CNIH3: variants seen among roughly 807,000 people sequenced by gnomAD.
CNIH3 encodes protein cornichon homolog 3.
A neutral mutation model predicts 24.1 loss-of-function variants in CNIH3; 14 were observed. That is an observed-to-expected ratio of 0.58 (90% CI 0.38 to 0.91). CNIH3 has a LOEUF of 0.91. Ranked by LOEUF, CNIH3 falls within the 40% of genes least tolerant of loss-of-function variation. The pLI is 0.00. For missense variants in CNIH3, 178 were observed against 196.8 expected (o/e 0.90, Z 0.57); for synonymous variants, 68 against 73.8 (o/e 0.92, Z 0.40).
chr1:224,596,034 A>G (rs1448030540), intron 3 of CNIH3, among the ~76,000 whole-genome samples: 1 of 152,194 alleles, frequency 6.6e-6, no homozygotes, highest in Non-Finnish European at 1.5e-5. Context: ...AGTTACCCAG[A>G]AGGTCTAGCT....
intron 4 of CNIH3, among the ~76,000 whole-genome samples, chr1:224,578,026 G>A (rs529602004): frequency 6.6e-6 from 1 of 152,088 alleles, no homozygotes; most frequent in South Asian, 2.1e-4. Flanking sequence ...GGGAAGGGTG[G>A]GAGGGAGGCA....
chr1:224,553,150 T>C (rs1679996612), intron 3 of CNIH3, among the ~76,000 whole-genome samples: 1 of 150,036 alleles, frequency 6.7e-6, no homozygotes, highest in African/African-American at 2.4e-5. Context: ...CCTGTGATAT[T>C]ACAAGTAATA....
chr1:224,639,675 T>C (rs1195740054), intron 1 of CNIH3, among the ~76,000 whole-genome samples: 1 of 152,014 alleles, frequency 6.6e-6, no homozygotes, highest in East Asian at 1.9e-4. Flanking sequence ...AGACCTCAGA[T>C]AAGGGGGAAC....
chr1:224,688,127 G>A (rs577550778), intron 3 of CNIH3, among the ~76,000 whole-genome samples: 1 of 152,324 alleles, frequency 6.6e-6, no homozygotes, highest in South Asian at 2.1e-4. Flanking sequence ...AAGGAGATGG[G>A]CTATAGGGCA....
At chr1:224,463,596 G>A (rs1360072046) in intron 1 of CNIH3, among the ~76,000 whole-genome samples, 3 of 151,164 alleles carry the variant, frequency 2.0e-5, no homozygotes, top group East Asian at 2.0e-4. Context: ...TAATAGAAAC[G>A]AGGTTTCTCC....
intron 1 of CNIH3, among the ~76,000 whole-genome samples, chr1:224,618,802 T>C (rs565569144): frequency 6.6e-6 from 1 of 152,222 alleles, no homozygotes; most frequent in African/African-American, 2.4e-5. Flanking sequence ...TTAGAAGTAA[T>C]GGGATTTTAA....
upstream of CNIH3, among the ~76,000 whole-genome samples, chr1:224,511,944 G>A (rs1678168035): frequency 6.6e-6 from 1 of 152,182 alleles, no homozygotes; most frequent in Non-Finnish European, 1.5e-5. Context: ...GGGAGGCTGA[G>A]GCGGGTGGAT....
intron 1 of CNIH3, among the ~76,000 whole-genome samples, chr1:224,642,580 G>T (rs1684413175): frequency 1.3e-5 from 2 of 152,146 alleles, no homozygotes. Flanking sequence ...GGCACAGGGA[G>T]TAAATGGCTG....
chr1:224,584,463 C>T (rs1432004248), intron 5 of CNIH3, among the ~76,000 whole-genome samples: 1 of 152,192 alleles, frequency 6.6e-6, no homozygotes, highest in Non-Finnish European at 1.5e-5. Context: ...AGTTCTATCA[C>T]AAACCCTTTA....
chr1:224,614,238 T>A (rs1022809943), upstream of CNIH3, among the ~76,000 whole-genome samples: 1 of 152,250 alleles, frequency 6.6e-6, no homozygotes, highest in Non-Finnish European at 1.5e-5. Context: ...ATTTTCATTT[T>A]GCACTTGGCC....
At chr1:224,490,086 G>T (rs1488970961) in intron 1 of CNIH3, among the ~76,000 whole-genome samples, 2 of 152,224 alleles carry the variant, frequency 1.3e-5, no homozygotes, top group Non-Finnish European at 2.9e-5. Context: ...ATTTAGAAGA[G>T]AAAGCAACTT....
intron 4 of CNIH3, among the ~76,000 whole-genome samples, chr1:224,572,254 G>A (rs530534308): frequency 6.6e-6 from 1 of 152,292 alleles, no homozygotes; most frequent in Admixed American, 6.5e-5. Context: ...GGTGGCTCAT[G>A]TCTGTAATCC....
At chr1:224,484,114 T>C (rs963798431) in intron 1 of CNIH3, among the ~76,000 whole-genome samples, 1 of 149,052 alleles carries the variant, frequency 6.7e-6, no homozygotes, top group Non-Finnish European at 1.5e-5. Flanking sequence ...GAGGTTGCAG[T>C]GAGCGGAGAT....
chr1:224,436,889 G>C (rs1302679991), intron 1 of CNIH3: 2 of 152,194 alleles, frequency 1.3e-5, no homozygotes, highest in African/African-American at 4.8e-5. Context: ...CCTGTCTACT[G>C]TCCGCCAAAT....
intron 3 of CNIH3, chr1:224,718,891 C>T (rs1207570189): frequency 6.6e-6 from 1 of 152,326 alleles, no homozygotes; most frequent in Non-Finnish European, 1.5e-5. Flanking sequence ...GCTCTGGTTT[C>T]CCCACTACCT....
chr1:224,738,766 T>C (rs931401104), intron 5 of CNIH3, among the ~76,000 whole-genome samples: 3 of 152,164 alleles, frequency 2.0e-5, no homozygotes, highest in African/African-American at 7.2e-5. Context: ...TTAATGCATG[T>C]TTAATTCCTG....
rs61128987 is a variant in CNIH3 at position 224,705,850 on chromosome 1, CTTTT to C, written c.198+21012_198+21015del. 7.0e-3 allele frequency among the ~76,000 whole-genome samples: 630 copies of C among 90,204 alleles called. 9 individuals carry two copies. Among genetic ancestry groups the C allele is most frequent in the South Asian group, 0.052 (122 of 2,332 alleles). The allele number at this position is 90,204 out of a possible 152,430, so 59.2% of individuals were successfully genotyped here. On this transcript the variant is annotated intron_variant, in intron 3 of 5. Coordinates refer to ENST00000272133, the MANE Select transcript of CNIH3 (RefSeq NM_152495.2). ...TTCTTTTCTTTTCTCTCTTTCTTTT[CTTTT>C]TTTTCTTTTTTTTTTTTTTTGAGCT... is the stretch of plus-strand genomic sequence containing the variant.
At chr1:224,731,857 G>A (rs1294932965) in intron 4 of CNIH3, among the ~76,000 whole-genome samples, 3 of 152,254 alleles carry the variant, frequency 2.0e-5, no homozygotes, top group African/African-American at 7.2e-5. Flanking sequence ...TTGTGTTTGG[G>A]AAACAGTAGT....
intron 3 of CNIH3, 192 bp from the exon 4 acceptor site, chr1:224,730,268 AAG>A: frequency 1.8e-6 from 1 of 553,608 alleles, no homozygotes; most frequent in Non-Finnish European, 3.2e-6. Context: ...GTATAATAAA[AAG>A]AGGAGTGCCA....
Sources: allele counts gnomAD v4.1 joint callset (sites outside exome capture counted in the v4.1 genomes callset), GRCh38; gene constraint gnomAD v4.1.1; transcripts MANE v1.5; gene names NCBI Gene and HGNC (gene_info 2026-07-23, HGNC 2026-07-21).